NR2F1-AS1: variants seen among roughly 807,000 people sequenced by gnomAD.
NR2F1-AS1 encodes NR2F1 antisense RNA 1.
chr5:93,550,968 T>G (rs957186446), intron 4 of NR2F1-AS1, among the ~76,000 whole-genome samples: 1 of 151,976 alleles, frequency 6.6e-6, no homozygotes, highest in African/African-American at 2.4e-5. Context: ...TTCTTAGGTT[T>G]TTTTTTTTTT....
intron 4 of NR2F1-AS1, among the ~76,000 whole-genome samples, chr5:93,461,230 G>C (rs1314659791): frequency 6.6e-6 from 1 of 152,160 alleles, no homozygotes; most frequent in Non-Finnish European, 1.5e-5. Context: ...ACTAACAGAG[G>C]AACACAAATC....
upstream of NR2F1-AS1, among the ~76,000 whole-genome samples, chr5:93,582,271 TAAA>T (rs752563970): frequency 1.5e-4 from 20 of 131,070 alleles, no homozygotes; most frequent in African/African-American, 3.6e-4. Context: ...AGCCAGGTGA[TAAA>T]AAAAAAAAAA....
intron 4 of NR2F1-AS1, among the ~76,000 whole-genome samples, chr5:93,452,971 T>C (rs1251986894): frequency 1.3e-5 from 2 of 151,642 alleles, no homozygotes; most frequent in African/African-American, 4.8e-5. Context: ...TTACCCATAA[T>C]CCAAAGAAAA....
chr5:93,486,007 G>A (rs1325500212), intron 4 of NR2F1-AS1, among the ~76,000 whole-genome samples: 43 of 128,570 alleles, frequency 3.3e-4, no homozygotes, highest in South Asian at 3.1e-3. Context: ...GTAAACTATC[G>A]CAAGAACAAA....
intron 4 of NR2F1-AS1, among the ~76,000 whole-genome samples, chr5:93,531,321 TTGAC>T (rs1207468919): frequency 7.1e-6 from 1 of 140,172 alleles, no homozygotes; most frequent in Non-Finnish European, 1.6e-5. Flanking sequence ...AAAATTGTAT[TTGAC>T]TGTTCTAAAA....
At chr5:93,483,681 G>T (rs1750650943) in intron 4 of NR2F1-AS1, among the ~76,000 whole-genome samples, 3 of 152,060 alleles carry the variant, frequency 2.0e-5, no homozygotes, top group Admixed American at 1.3e-4. Flanking sequence ...CTAACCCAAT[G>T]CAAGGAAGCT....
At chr5:93,467,553 A>G (rs888380886) in intron 4 of NR2F1-AS1, among the ~76,000 whole-genome samples, 1 of 152,196 alleles carries the variant, frequency 6.6e-6, no homozygotes, top group African/African-American at 2.4e-5. Context: ...TGCCATCAAA[A>G]TGTTATCTGT....
chr5:93,492,290 A>G (rs1166460432), intron 4 of NR2F1-AS1, among the ~76,000 whole-genome samples: 1 of 152,196 alleles, frequency 6.6e-6, no homozygotes, highest in Non-Finnish European at 1.5e-5. Flanking sequence ...ACCTTAACAG[A>G]CAGACTCAGT....
chr5:93,522,541 G>A (rs1011256660), intron 4 of NR2F1-AS1, among the ~76,000 whole-genome samples: 1 of 152,184 alleles, frequency 6.6e-6, no homozygotes, highest in African/African-American at 2.4e-5. Context: ...TGTGAAATGA[G>A]GTGGGTGGCT....
At chr5:93,548,271 A>G (rs1337031206) in intron 4 of NR2F1-AS1, among the ~76,000 whole-genome samples, 1 of 152,116 alleles carries the variant, frequency 6.6e-6, no homozygotes, top group Non-Finnish European at 1.5e-5. Flanking sequence ...AGCTAATTCA[A>G]TCAATTTATG....
chr5:93,410,817 A>G (rs973382679), intron 4 of NR2F1-AS1: 2 of 152,180 alleles, frequency 1.3e-5, no homozygotes, highest in Non-Finnish European at 1.5e-5. Context: ...AAGGGGAAAA[A>G]AACAGAATTT....
chr5:93,550,972 T>A (rs900844125), intron 4 of NR2F1-AS1, among the ~76,000 whole-genome samples: 2 of 152,108 alleles, frequency 1.3e-5, no homozygotes, highest in African/African-American at 4.8e-5. Flanking sequence ...TAGGTTTTTT[T>A]TTTTTTAGTA....
chr5:93,417,658 C>T (rs958025563), intron 4 of NR2F1-AS1, among the ~76,000 whole-genome samples: 4 of 152,168 alleles, frequency 2.6e-5, no homozygotes, highest in African/African-American at 4.8e-5. Context: ...GTTCTTTTCA[C>T]GGTGTTGTGT....
intron 4 of NR2F1-AS1, among the ~76,000 whole-genome samples, chr5:93,502,915 A>G (rs1018837035): frequency 6.6e-6 from 1 of 152,204 alleles, no homozygotes; most frequent in Non-Finnish European, 1.5e-5. Context: ...ATCTAAGAAA[A>G]CAATACAAAT....
At chr5:93,473,374 A>G (rs926770184) in intron 4 of NR2F1-AS1, among the ~76,000 whole-genome samples, 2 of 151,884 alleles carry the variant, frequency 1.3e-5, no homozygotes, top group Non-Finnish European at 2.9e-5. Context: ...TTTATCTAAA[A>G]ATACTTACAG....
chr5:93,535,064 A>C (rs1046803950), intron 4 of NR2F1-AS1, among the ~76,000 whole-genome samples: 1 of 152,192 alleles, frequency 6.6e-6, no homozygotes, highest in African/African-American at 2.4e-5. Context: ...TCTGCAAAGC[A>C]GAAAGTATGT....
intron 1 of NR2F1-AS1, among the ~76,000 whole-genome samples, chr5:93,573,089 T>G (rs1275179927): frequency 6.6e-6 from 1 of 151,998 alleles, no homozygotes; most frequent in African/African-American, 2.4e-5. Context: ...GACTCCGGAG[T>G]TGTGCCAGGA....
upstream of NR2F1-AS1, chr5:93,584,609 C>A (rs1360826505): frequency 1.5e-5 from 2 of 136,766 alleles, no homozygotes; most frequent in Non-Finnish European, 3.1e-5. Flanking sequence ...GAGAAGGGAG[C>A]TTGCTCGCCG....
At chr5:93,578,761 A>G (rs188372377) in intron 1 of NR2F1-AS1, among the ~76,000 whole-genome samples, 1 of 152,310 alleles carries the variant, frequency 6.6e-6, no homozygotes, top group East Asian at 1.9e-4. Context: ...CCTGCAGCTG[A>G]GCGTGCCTGG....
Sources: allele counts gnomAD v4.1 joint callset (sites outside exome capture counted in the v4.1 genomes callset), GRCh38; gene constraint gnomAD v4.1.1; transcripts MANE v1.5; gene names NCBI Gene and HGNC (gene_info 2026-07-23, HGNC 2026-07-21).